The following PDK1 variants were observed in gnomAD, a reference collection of about 807,000 sequenced individuals.
The protein encoded by PDK1 is [Pyruvate dehydrogenase (acetyl-transferring)] kinase isozyme 1, mitochondrial.
A neutral mutation model predicts 54.2 loss-of-function variants in PDK1; 39 were observed. That is an observed-to-expected ratio of 0.72 (90% confidence interval 0.56 to 0.94). The LOEUF (loss-of-function observed/expected upper bound fraction) is 0.94. PDK1 is among the 40% of genes least tolerant of loss of function. The probability of loss-of-function intolerance (pLI) is 0.00; values close to 1 mark genes in which losing one functional copy is unlikely to be tolerated. For missense variants in PDK1, 552 were observed against 566.0 expected (o/e 0.98, Z 0.25); for synonymous variants, 221 against 207.1 (o/e 1.07, Z -0.58).
intron 1 of PDK1, 109 bp from the exon 2 acceptor site, chr2:172,558,599 C>G (rs1207526015): frequency 1.1e-6 from 1 of 946,548 alleles, no homozygotes; most frequent in Non-Finnish European, 1.6e-6. Context: ...CGTGGTGATT[C>G]TATCCCTCTG....
rs1307083363 is a variant in PDK1, at chr2:172,564,588, A to C, written c.496A>C (p.Ser166Arg). The change falls in exon 4 of 11, where the codon AGC (serine) becomes CGC (arginine). Residue 166 changes from serine (S) to arginine (R), a missense_variant. Coordinates refer to ENST00000282077, the MANE Select transcript of PDK1 (RefSeq NM_002610.5). ...CCAGGGTGTGATTGAATACAAGGAG[A>C]GCTTTGGGGTGGATCCTGTCACCAG... The part of the protein sequence containing the change: ...MAQGVIEYKE[S>R]FGVDPVTSQN... 1 of 1,613,944 alleles carries C rather than the reference A, an allele frequency of 6.2e-7. No individual in the cohort carries two copies. Among genetic ancestry groups the C allele is most frequent in the Admixed American group, 1.7e-5 (1 of 60,024 alleles).
chr2:172,643,540 G>A, the PDK1 span, among the ~76,000 whole-genome samples: 20 of 152,124 alleles, frequency 1.3e-4, no homozygotes, highest in African/African-American at 4.8e-4. Flanking sequence ...TGCACATCCA[G>A]GCCTAAGCAG....
At chr2:172,659,988 G>A in the PDK1 span, among the ~76,000 whole-genome samples, 1 of 152,120 alleles carries the variant, frequency 6.6e-6, no homozygotes, top group East Asian at 1.9e-4. Context: ...AGGAATGTGA[G>A]GGAATGAGAT....
At chr2:172,622,215 T>G in the PDK1 span, among the ~76,000 whole-genome samples, 15 of 144,992 alleles carry the variant, frequency 1.0e-4, no homozygotes, top group Admixed American at 1.0e-3. Flanking sequence ...TCATGAGAGA[T>G]ATGTTTATAT....
Position 172,602,402 on chromosome 2 carries a change from A to G in PDK1, c.*6433A>G, listed in dbSNP as rs1207096148. On this transcript the variant is annotated 3_prime_UTR_variant, in exon 11 of 11. Transcript: ENST00000282077. ...TATGATCACATCAACAGAAACAGGAAATTCAGTTTCTTTGGGGGATAGTTG... is the reference window on the plus strand; with the variant it reads ...TATGATCACATCAACAGAAACAGGAGATTCAGTTTCTTTGGGGGATAGTTG... The G allele has an allele frequency of 6.6e-6, 1 of 152,200 alleles. No individual in the cohort carries two copies. Among genetic ancestry groups the G allele is most frequent in the Non-Finnish European group, 1.5e-5 (1 of 68,028 alleles). 9.4% of individuals were successfully genotyped at this position (152,200 alleles called of 1,614,324 possible).
intron 2 of PDK1, among the ~76,000 whole-genome samples, chr2:172,560,950 GTTTTC>G (rs1212280670): frequency 6.6e-6 from 1 of 152,284 alleles, no homozygotes; most frequent in East Asian, 1.9e-4. Context: ...GGAGATTCAA[GTTTTC>G]TTTTTGTAAG....
At chr2:172,613,286 C>G (rs1691519876), downstream of PDK1, among the ~76,000 whole-genome samples, 1 of 152,216 alleles carries the variant, frequency 6.6e-6, no homozygotes, top group African/African-American at 2.4e-5. Context: ...CTGAAGCACA[C>G]AGCCTGAAGG....
At chr2:172,642,022 A>T in the PDK1 span, among the ~76,000 whole-genome samples, 2 of 152,110 alleles carry the variant, frequency 1.3e-5, no homozygotes, top group Non-Finnish European at 2.9e-5. Flanking sequence ...GTCATAATTA[A>T]CAAATCCAAA....
At position 172,608,290 on chromosome 2, in the gene PDK1, A is replaced by T. The variant is rs889705701; in HGVS notation, c.*12321A>T. ...TGATCAAAGAAAAATAAACATATAGAAGGAAAGAAAGGTCGTTTTAGTTTA... is the reference window on the plus strand; with the variant it reads ...TGATCAAAGAAAAATAAACATATAGTAGGAAAGAAAGGTCGTTTTAGTTTA... On this transcript the variant is annotated 3_prime_UTR_variant, in exon 11 of 11. Transcript: ENST00000282077. 3.3e-5 allele frequency: 5 copies of T among 152,308 alleles called. No individual in the cohort carries two copies. The highest frequency in any genetic ancestry group is 1.2e-4 in the African/African-American group (5 of 41,448). The allele number at this position is 152,308 out of a possible 1,614,324, so 9.4% of individuals were successfully genotyped here.
At chr2:172,621,107 C>G in the PDK1 span, among the ~76,000 whole-genome samples, 4 of 152,146 alleles carry the variant, frequency 2.6e-5, no homozygotes, top group African/African-American at 9.7e-5. Context: ...TGGCAAAACC[C>G]CATCTCTACT....
At chr2:172,583,817 T>C (rs920200751) in intron 8 of PDK1, among the ~76,000 whole-genome samples, 1 of 152,082 alleles carries the variant, frequency 6.6e-6, no homozygotes, top group Non-Finnish European at 1.5e-5. Context: ...TATTGACTTT[T>C]AATACATATT....
chr2:172,575,319 A>G (rs1333614226), intron 8 of PDK1, among the ~76,000 whole-genome samples: 4 of 152,140 alleles, frequency 2.6e-5, no homozygotes, highest in Non-Finnish European at 5.9e-5. Flanking sequence ...TATCAGGATG[A>G]CACTGGCCTT....
chr2:172,711,834 C>G, the PDK1 span, among the ~76,000 whole-genome samples: 2 of 137,180 alleles, frequency 1.5e-5, no homozygotes, highest in East Asian at 4.9e-4. Flanking sequence ...CCATTGCACT[C>G]CAGCCAGGGC....
At chr2:172,675,273 C>G in the PDK1 span, among the ~76,000 whole-genome samples, 1 of 152,166 alleles carries the variant, frequency 6.6e-6, no homozygotes, top group Non-Finnish European at 1.5e-5. Flanking sequence ...AAGATCTCAC[C>G]TCTCTCACTT....
chr2:172,565,190 G>C, intron 5 of PDK1, 117 bp downstream of exon 5: 2 of 649,096 alleles, frequency 3.1e-6, no homozygotes, highest in Non-Finnish European at 5.5e-6. Flanking sequence ...CAAATGCATG[G>C]GTTTGAAAAT....
At chr2:172,683,392 T>C in the PDK1 span, among the ~76,000 whole-genome samples, 2 of 150,454 alleles carry the variant, frequency 1.3e-5, no homozygotes, top group African/African-American at 4.9e-5. Flanking sequence ...TTTAATTGGC[T>C]AACAGTTCTG....
At chr2:172,694,818 T>C in the PDK1 span, among the ~76,000 whole-genome samples, 1 of 152,160 alleles carries the variant, frequency 6.6e-6, no homozygotes, top group South Asian at 2.1e-4. Context: ...TTTTAGTCTT[T>C]ATGTAGAAGT....
the PDK1 span, among the ~76,000 whole-genome samples, chr2:172,635,497 A>G: frequency 0.72 from 109,356 of 152,074 alleles, 39,657 homozygotes; most frequent in Non-Finnish European, 0.77. Flanking sequence ...TGTATTTCTA[A>G]TAGAGATGAG....
At chr2:172,648,445 G>A in the PDK1 span, among the ~76,000 whole-genome samples, 1 of 152,288 alleles carries the variant, frequency 6.6e-6, no homozygotes, top group South Asian at 2.1e-4. Context: ...TGCAGAAGAC[G>A]AGTGATTTCT....
Sources: gnomAD v4.1 joint callset for allele counts (sites outside exome capture counted in the v4.1 genomes callset) on GRCh38, gnomAD v4.1.1 for gene constraint, MANE v1.5 for transcripts, NCBI Gene and HGNC (gene_info 2026-07-23, HGNC 2026-07-21) for gene names.